TMEM245: variants seen among roughly 807,000 people sequenced by gnomAD.
The protein encoded by TMEM245 is transmembrane protein 245.
TMEM245 carries 69 observed loss-of-function variants against 101.2 expected under a neutral mutation model. The observed-to-expected ratio is 0.68, with a 90% confidence interval of 0.56 to 0.83. TMEM245 has a LOEUF of 0.83. Among genes scored for constraint, TMEM245 ranks in the 40% least tolerant of loss-of-function variants. The pLI is 0.00. For synonymous variants in TMEM245, 537 were observed against 449.8 expected (o/e 1.19, Z -2.45); for missense variants, 1,075 against 1,092.8 (o/e 0.98, Z 0.23).
intron 10 of TMEM245, among the ~76,000 whole-genome samples, 173 bp downstream of exon 10, chr9:109,064,304 T>C (rs952160510): frequency 3.3e-5 from 5 of 152,248 alleles, no homozygotes; most frequent in Non-Finnish European, 5.9e-5. Context: ...TTCAGGGTAC[T>C]ACCCCTATTC....
At position 109,055,622 on chromosome 9, in the gene TMEM245, ACGGTT is replaced by A. The variant is rs547852191; in HGVS notation, c.1854+1564_1854+1568del. Among the ~76,000 whole-genome samples, 64 of 151,158 alleles carry A rather than the reference ACGGTT, an allele frequency of 4.2e-4. No individual in the cohort carries two copies. In the South Asian group the frequency reaches 0.013, roughly 31 times the overall value. ...GATAGCAGAAATGAAAATTTCAATC[ACGGTT>A]TCTTTTTTTCTTTTTTTTTTTTTTA... is the stretch of plus-strand genomic sequence containing the variant. On this transcript the variant is annotated intron_variant, in intron 12 of 17. Transcript: ENST00000374586.
chr9:109,051,455 CAT>C (rs1240916734), intron 12 of TMEM245, among the ~76,000 whole-genome samples: 3 of 152,082 alleles, frequency 2.0e-5, no homozygotes, highest in Admixed American at 6.5e-5. Context: ...CTGCAAATGT[CAT>C]AGAGTGTACT....
chr9:109,060,555 T>G (rs1269522366), intron 10 of TMEM245, 103 bp from the exon 11 acceptor site: 3 of 729,148 alleles, frequency 4.1e-6, no homozygotes, highest in Non-Finnish European at 6.8e-6. Context: ...CAAACAAAAA[T>G]GTTCCAGACT....
chr9:109,038,361 T>C (rs1474177373), intron 14 of TMEM245: 1 of 300,402 alleles, frequency 3.3e-6, no homozygotes, highest in African/African-American at 2.2e-5. Context: ...TTCCTTAAAT[T>C]TCTGATGAAA....
intron 12 of TMEM245, among the ~76,000 whole-genome samples, chr9:109,052,154 TCTTCCTAAGTGGACTATC>T (rs1828705303): frequency 1.3e-5 from 2 of 152,228 alleles, no homozygotes; most frequent in Non-Finnish European, 2.9e-5. Context: ...TCTGTTCTAT[TCTTCCTAAGTGGACTATC>T]CTTCCTCTTA....
chr9:109,034,094 T>C (rs1284604001), intron 16 of TMEM245, among the ~76,000 whole-genome samples: 1 of 152,188 alleles, frequency 6.6e-6, no homozygotes, highest in African/African-American at 2.4e-5. Context: ...TATTACAGTA[T>C]CACTTATGTA....
chr9:109,106,019 G>A (rs1179106241), intron 3 of TMEM245, among the ~76,000 whole-genome samples: 1 of 152,140 alleles, frequency 6.6e-6, no homozygotes, highest in Non-Finnish European at 1.5e-5. Context: ...TGATCCGCTT[G>A]CCTCAGCCTC....
intron 6 of TMEM245, among the ~76,000 whole-genome samples, 155 bp downstream of exon 6, chr9:109,087,018 T>C (rs1191136982): frequency 6.6e-6 from 1 of 152,146 alleles, no homozygotes; most frequent in Non-Finnish European, 1.5e-5. Flanking sequence ...CTTATCCTTG[T>C]GTAAACCATA....
chr9:109,112,737 C>T (rs1345577965), intron 1 of TMEM245, among the ~76,000 whole-genome samples: 2 of 152,120 alleles, frequency 1.3e-5, no homozygotes, highest in Non-Finnish European at 2.9e-5. Flanking sequence ...GCCTTTACAT[C>T]AAGCAGTTAA....
In TMEM245 at chr9:109,087,627, A is replaced by T. The variant is rs556342696; in HGVS notation, c.1151-285T>A. On this transcript the variant is annotated intron_variant, in intron 5 of 17. Coordinates refer to ENST00000374586, the MANE Select transcript of TMEM245 (RefSeq NM_032012.4). ...TTTACAGCCCACATAAACAAAAGATAATCTCATCGTGAAGATTTCAGTGAC... is the reference window on the plus strand; with the variant it reads ...TTTACAGCCCACATAAACAAAAGATTATCTCATCGTGAAGATTTCAGTGAC... Among the ~76,000 whole-genome samples, 20 of 152,256 alleles carry T rather than the reference A, an allele frequency of 1.3e-4. No homozygotes were observed. In the South Asian group the frequency reaches 4.2e-3, roughly 32 times the overall value.
At chr9:109,104,302 A>G (rs1830352582) in intron 3 of TMEM245, among the ~76,000 whole-genome samples, 1 of 152,160 alleles carries the variant, frequency 6.6e-6, no homozygotes, top group African/African-American at 2.4e-5. Context: ...CATGTACCCC[A>G]TAAATATATA....
At chr9:109,112,530 A>T (rs1830593268) in intron 1 of TMEM245, among the ~76,000 whole-genome samples, 1 of 149,060 alleles carries the variant, frequency 6.7e-6, no homozygotes, top group South Asian at 2.1e-4. Context: ...AGCAAGAGCA[A>T]AACTCCATCT....
intron 1 of TMEM245, 22 bp downstream of exon 1, chr9:109,119,313 G>T: frequency 6.6e-7 from 1 of 1,518,924 alleles, no homozygotes; most frequent in South Asian, 1.2e-5. Context: ...CGGGGGACGG[G>T]GGCGGACTGC....
chr9:109,091,278 A>G lies in TMEM245; in HGVS notation c.917-123T>C, dbSNP rs1830000184. 5 of 834,408 alleles carry G rather than the reference A, an allele frequency of 6.0e-6. No homozygotes were observed. In the East Asian group the frequency reaches 8.1e-5, roughly 14 times the overall value. The allele number at this position is 834,408 out of a possible 1,614,324, so 51.7% of individuals were successfully genotyped here. A position where few individuals can be genotyped will look rare whatever the true frequency, so the allele number is the denominator to read the frequency against. On this transcript the variant is annotated intron_variant, in intron 4 of 17. Coordinates refer to ENST00000374586, the MANE Select transcript of TMEM245 (RefSeq NM_032012.4). The stretch of plus-strand genomic sequence containing the variant: ...AAATGTGCTGATATGGTATGATTAC[A>G]TCGGGTTAAAAAAGACAAAAATATT...
Position 109,058,677 on chromosome 9 carries a change from G to A in TMEM245, c.1723-1355C>T, listed in dbSNP as rs569028740. On this transcript the variant is annotated intron_variant, in intron 11 of 17. Coordinates refer to ENST00000374586, the MANE Select transcript of TMEM245 (RefSeq NM_032012.4). ...GGCTGCACTGGAGTGCAATGGTGCA[G>A]TCATAGCTCACTGCAGCCTCCAATT... 1.1e-3 allele frequency among the ~76,000 whole-genome samples: 169 copies of A among 152,210 alleles called. 4 individuals carry two copies. Among genetic ancestry groups the A allele is most frequent in the Non-Finnish European group, 7.1e-4 (48 of 67,988 alleles).
intron 17 of TMEM245, among the ~76,000 whole-genome samples, chr9:109,025,723 T>C (rs1048830295): frequency 1.3e-5 from 2 of 148,860 alleles, no homozygotes; most frequent in Admixed American, 6.6e-5. Flanking sequence ...AAAGTATGCA[T>C]GACTACAGGG....
At chr9:109,056,849 A>G (rs1828854248) in intron 12 of TMEM245, among the ~76,000 whole-genome samples, 1 of 152,146 alleles carries the variant, frequency 6.6e-6, no homozygotes, top group African/African-American at 2.4e-5. Context: ...GTGACAAGCT[A>G]AGCATTCAAC....
At chr9:109,103,467 T>C (rs1830329584) in intron 3 of TMEM245, among the ~76,000 whole-genome samples, 1 of 152,112 alleles carries the variant, frequency 6.6e-6, no homozygotes, top group South Asian at 2.1e-4. Flanking sequence ...TAGCCAAAAT[T>C]TGGAAGAAAC....
intron 1 of TMEM245, among the ~76,000 whole-genome samples, chr9:109,109,323 T>C (rs773191379): frequency 2.2e-4 from 33 of 151,440 alleles, no homozygotes; most frequent in Non-Finnish European, 3.4e-4. Context: ...CATATTTTAA[T>C]AGAACATTTA....
Sources: gnomAD v4.1 joint callset for allele counts (sites outside exome capture counted in the v4.1 genomes callset) on GRCh38, gnomAD v4.1.1 for gene constraint, MANE v1.5 for transcripts, NCBI Gene and HGNC (gene_info 2026-07-23, HGNC 2026-07-21) for gene names.